Variants in TNRC6A observed in about 807,000 individuals in gnomAD.
TNRC6A encodes the protein trinucleotide repeat-containing gene 6A protein.
Under a neutral mutation model 221.2 loss-of-function variants are expected in TNRC6A, and 44 were observed. The observed-to-expected ratio is 0.20, with a 90% CI of 0.16 to 0.26. TNRC6A has a LOEUF of 0.26. Ranked by LOEUF, TNRC6A falls within the 10% of genes least tolerant of loss-of-function variation. The pLI, the probability that TNRC6A is intolerant of heterozygous loss-of-function variation, is 1.00. For synonymous variants in TNRC6A, 847 were observed against 838.5 expected, an observed-to-expected ratio of 1.01 and a Z score of -0.18; for missense variants, 2,199 against 2,404.4, an observed-to-expected ratio of 0.91 and a Z score of 1.79.
chr16:24,668,143 C>T (rs951114959), intron 2 of TNRC6A, among the ~76,000 whole-genome samples: 1 of 152,014 alleles, frequency 6.6e-6, no homozygotes, highest in African/African-American at 2.4e-5. Flanking sequence ...GCCTGACCAA[C>T]ATGGTGAAAC....
intron 2 of TNRC6A, among the ~76,000 whole-genome samples, chr16:24,683,098 G>A (rs2055564530): frequency 6.6e-6 from 1 of 152,142 alleles, no homozygotes; most frequent in Non-Finnish European, 1.5e-5. Context: ...ACCCCATGAC[G>A]AGCACAAACT....
rs751581180 is a variant in TNRC6A, at chr16:24,823,700, C to T, written c.5782C>T (p.Leu1928=). 1.3e-6 allele frequency: 2 copies of T among 1,587,106 alleles called. No individual in the cohort carries two copies. Among genetic ancestry groups the T allele is most frequent in the Non-Finnish European group, 8.6e-7 (1 of 1,165,424 alleles). The part of the protein sequence containing the change: ...LWGTPHYSTS[L]WGPPSSSDPR... ...GGGGACCCCGCATTATTCCACAAGC[C>T]TGTGGGGTCCCCCAAGCAGCAGCGA... The change falls in exon 25 of 25, where the codon CTG becomes TTG. Residue 1928 remains leucine (L), a synonymous_variant. Transcript: ENST00000395799. This position sits in a 1 kb window ranked among gnomAD's most constrained non-coding sequence, Gnocchi z 4.3.
chr16:24,816,977 A>C, intron 20 of TNRC6A, 21 bp downstream of exon 20: 1 of 1,605,554 alleles, frequency 6.2e-7, no homozygotes, highest in Non-Finnish European at 8.5e-7. Flanking sequence ...GGTGCAAATC[A>C]ATTTCTGAGT....
intron 2 of TNRC6A, among the ~76,000 whole-genome samples, chr16:24,660,024 G>A (rs2141903977): frequency 6.6e-6 from 1 of 151,942 alleles, no homozygotes; most frequent in South Asian, 2.1e-4. Flanking sequence ...CTTGGTGTCT[G>A]TTGGAAGCTG....
chr16:24,776,979 C>T lies in TNRC6A; in HGVS notation c.210C>T (p.Asn70=), dbSNP rs2057731668. ...GTGTAAGCCAGCCTCAGCCTGCCAA[C>T]TCTAATAACGGCACTTCCACAGCAA... is the stretch of plus-strand genomic sequence containing the variant. The part of the protein sequence containing the change: ...KPSVSQPQPA[N]SNNGTSTATS... The change falls in exon 5 of 25, where the codon AAC becomes AAT. Residue 70 remains asparagine, a synonymous_variant. Transcript: ENST00000395799. The T allele has an allele frequency of 1.9e-6, 3 of 1,614,118 alleles. No individual in the cohort carries two copies. The highest frequency in any genetic ancestry group is 4.5e-5 in the East Asian group (2 of 44,886).
intron 5 of TNRC6A, 117 bp from the exon 6 acceptor site, chr16:24,789,115 T>A (rs1168491660): frequency 2.9e-6 from 3 of 1,038,640 alleles, no homozygotes; most frequent in Non-Finnish European, 4.1e-6. Context: ...GGATCATAGC[T>A]TGTTAAATTG....
At chr16:24,640,478 A>T (rs932640888) in intron 1 of TNRC6A, among the ~76,000 whole-genome samples, 2 of 152,004 alleles carry the variant, frequency 1.3e-5, no homozygotes. Context: ...CTGTAATCCC[A>T]GCACTTTGGG....
At chr16:24,628,956 T>C (rs1431881957) in intron 1 of TNRC6A, among the ~76,000 whole-genome samples, 1 of 152,198 alleles carries the variant, frequency 6.6e-6, no homozygotes, top group Admixed American at 6.6e-5. Context: ...GCTATAACTT[T>C]AGCACCTGAA....
intron 5 of TNRC6A, among the ~76,000 whole-genome samples, chr16:24,781,197 T>C (rs2057838394): frequency 6.6e-6 from 1 of 151,946 alleles, no homozygotes; most frequent in Non-Finnish European, 1.5e-5. Context: ...TAGCTGGGAC[T>C]ACAGGCGTTC....
intron 1 of TNRC6A, among the ~76,000 whole-genome samples, chr16:24,628,237 GGT>G (rs747405828): frequency 6.6e-6 from 1 of 151,494 alleles, no homozygotes; most frequent in Non-Finnish European, 1.5e-5. Context: ...TGACCAACAT[GGT>G]GAAACCCCGT....
At chr16:24,803,793 C>T (rs568932177) in intron 11 of TNRC6A, 3 of 178,816 alleles carry the variant, frequency 1.7e-5, no homozygotes, top group South Asian at 1.3e-4. Context: ...CCCAGCTACT[C>T]GAGAGGCTGA....
chr16:24,809,525 C>CA, intron 18 of TNRC6A, 44 bp downstream of exon 18: 1 of 1,439,262 alleles, frequency 6.9e-7, no homozygotes, highest in Non-Finnish European at 9.2e-7. Flanking sequence ...AAAACACACA[C>CA]ACCTGCAGAA....
At chr16:24,651,552 A>C (rs2141846068) in intron 2 of TNRC6A, among the ~76,000 whole-genome samples, 1 of 148,278 alleles carries the variant, frequency 6.7e-6, no homozygotes, top group East Asian at 2.0e-4. Flanking sequence ...AAAAAAAAAA[A>C]AAAAAAAAAA....
At chr16:24,808,350 C>T (rs1053701487) in intron 17 of TNRC6A, among the ~76,000 whole-genome samples, 3 of 152,232 alleles carry the variant, frequency 2.0e-5, no homozygotes, top group Non-Finnish European at 4.4e-5. Flanking sequence ...TATCTAAGTT[C>T]GGCAACAGGC....
rs71381700 is a variant in TNRC6A, at chr16:24,675,659, A to ACTCTCT, written n.402+34689_402+34694dup. Reference sequence around the variant, plus strand: ...TCACACCACTGCACTCCAGCCAGAGACTCTCTCTCTCTCTCTCTCTCTCTC... The same window carrying ACTCTCT: ...TCACACCACTGCACTCCAGCCAGAGACTCTCTCTCTCTCTCTCTCTCTCTCTCTCTC... On this transcript the variant is annotated intron_variant and non_coding_transcript_variant, in intron 2 of 2. Coordinates refer to the TNRC6A transcript ENST00000566108. 7.4e-3 allele frequency among the ~76,000 whole-genome samples: 278 copies of ACTCTCT among 37,500 alleles called. 10 individuals carry two copies. The highest frequency in any genetic ancestry group is 0.038 in the Middle Eastern group (2 of 52). The allele number at this position is 37,500 out of a possible 152,430, so 24.6% of individuals were successfully genotyped here.
At chr16:24,695,485 C>T (rs771414165) in intron 2 of TNRC6A, among the ~76,000 whole-genome samples, 15 of 152,132 alleles carry the variant, frequency 9.9e-5, no homozygotes, top group South Asian at 2.1e-4. Flanking sequence ...CTGCAACCTC[C>T]GCCTCCTGGG....
chr16:24,648,009 A>G (rs1902384692), intron 2 of TNRC6A, among the ~76,000 whole-genome samples: 1 of 152,106 alleles, frequency 6.6e-6, no homozygotes, highest in African/African-American at 2.4e-5. Flanking sequence ...CACTTAGCAT[A>G]ATGTCTTCAC....
At chr16:24,783,792 T>C (rs2057906097) in intron 5 of TNRC6A, among the ~76,000 whole-genome samples, 1 of 152,202 alleles carries the variant, frequency 6.6e-6, no homozygotes, top group African/African-American at 2.4e-5. Context: ...AATACTCTAC[T>C]TAATGATGTT....
At chr16:24,796,159 C>G (rs2058215371) in intron 9 of TNRC6A, 1 of 471,364 alleles carries the variant, frequency 2.1e-6, no homozygotes, top group African/African-American at 2.0e-5. Context: ...TTGGAAGATG[C>G]TTGGGATGGG....
Sources: allele counts gnomAD v4.1 joint callset (sites outside exome capture counted in the v4.1 genomes callset), GRCh38; gene constraint gnomAD v4.1.1; non-coding constraint Gnocchi (gnomAD v3.1); transcripts MANE v1.5; gene names NCBI Gene and HGNC (gene_info 2026-07-23, HGNC 2026-07-21).